Variants in MBD5 observed in about 807,000 individuals in gnomAD.
MBD5 encodes the protein methyl-CpG-binding domain protein 5.
A neutral mutation model predicts 117.3 loss-of-function variants in MBD5; 13 were observed. That is an observed-to-expected ratio of 0.11 (90% CI 0.07 to 0.18). The LOEUF (loss-of-function observed/expected upper bound fraction) is 0.18, where lower values mean the gene tolerates loss of function less well. Ranked by LOEUF, MBD5 falls within the 10% of genes least tolerant of loss-of-function variation. The pLI, the probability that MBD5 is intolerant of heterozygous loss-of-function variation, is 1.00. For missense variants in MBD5, 1,879 were observed against 2,093.8 expected (o/e 0.90, Z 2.00); for synonymous variants, 727 against 766.4 (o/e 0.95, Z 0.85).
intron 1 of MBD5, among the ~76,000 whole-genome samples, chr2:148,061,497 T>C (rs1358395530): frequency 6.6e-6 from 1 of 152,062 alleles, no homozygotes; most frequent in African/African-American, 2.4e-5. Context: ...AAATCTACCA[T>C]ATCATAAATA....
intron 4 of MBD5, among the ~76,000 whole-genome samples, chr2:148,446,602 C>CTCTGTGTGTG (rs1553516216): frequency 4.7e-5 from 7 of 148,784 alleles, no homozygotes; most frequent in Non-Finnish European, 8.9e-5. Flanking sequence ...GATTATTTAT[C>CTCTGTGTGTG]TGTGTGTGTG....
chr2:148,489,258 T>C, intron 10 of MBD5, 128 bp from the exon 11 acceptor site: 1 of 1,152,298 alleles, frequency 8.7e-7, no homozygotes, highest in Non-Finnish European at 1.2e-6. Context: ...TTTTGAGTCT[T>C]GTTCTTTATA....
At chr2:148,367,295 C>T (rs1329201580) in intron 4 of MBD5, among the ~76,000 whole-genome samples, 1 of 152,088 alleles carries the variant, frequency 6.6e-6, no homozygotes, top group African/African-American at 2.4e-5. Context: ...AGAAACTGGA[C>T]CCCTTCCTTA....
At chr2:148,160,301 G>A (rs1169731843) in intron 1 of MBD5, among the ~76,000 whole-genome samples, 1 of 152,146 alleles carries the variant, frequency 6.6e-6, no homozygotes, top group Non-Finnish European at 1.5e-5. Flanking sequence ...GGGAGGCTTA[G>A]GCAGGAGAAT....
At chr2:148,185,083 A>C (rs1698621522) in intron 2 of MBD5, among the ~76,000 whole-genome samples, 1 of 152,202 alleles carries the variant, frequency 6.6e-6, no homozygotes, top group Non-Finnish European at 1.5e-5. Context: ...CTGTAGTCTG[A>C]GTCCCTGTAG....
At chr2:148,076,173 G>A (rs929118000) in intron 1 of MBD5, among the ~76,000 whole-genome samples, 25 of 105,386 alleles carry the variant, frequency 2.4e-4, no homozygotes, top group Non-Finnish European at 4.2e-4. Flanking sequence ...ACTCAAAGTC[G>A]TCGTTTTTTG....
chr2:148,360,099 A>G (rs867189900), intron 4 of MBD5, among the ~76,000 whole-genome samples: 3 of 152,042 alleles, frequency 2.0e-5, no homozygotes, highest in Non-Finnish European at 4.4e-5. Context: ...GTAACTGTAT[A>G]TTATTATGGC....
chr2:148,512,829 CCT>C, intron 13 of MBD5, 39 bp from the exon 14 acceptor site: 1 of 1,554,180 alleles, frequency 6.4e-7, no homozygotes, highest in Non-Finnish European at 8.9e-7. Context: ...GTGATTTCAT[CCT>C]CTGTTGTTGT....
chr2:148,027,741 A>AT (rs1693939020), intron 1 of MBD5: 1 of 152,126 alleles, frequency 6.6e-6, no homozygotes, highest in Admixed American at 6.6e-5. Context: ...TATTGACTCT[A>AT]TCGTCCTGCA....
At chr2:148,442,342 G>A (rs1056605652) in intron 4 of MBD5, among the ~76,000 whole-genome samples, 7 of 151,120 alleles carry the variant, frequency 4.6e-5, no homozygotes, top group African/African-American at 1.7e-4. Flanking sequence ...TGCTATGGGG[G>A]AAAAAGTGAC....
At chr2:148,227,301 G>A (rs979799461) in intron 2 of MBD5, among the ~76,000 whole-genome samples, 3 of 152,284 alleles carry the variant, frequency 2.0e-5, no homozygotes, top group East Asian at 1.9e-4. Flanking sequence ...TAAGGTGTAA[G>A]GAAGGGATCC....
At chr2:148,065,960 G>A (rs1695178133) in intron 1 of MBD5, among the ~76,000 whole-genome samples, 1 of 152,180 alleles carries the variant, frequency 6.6e-6, no homozygotes, top group African/African-American at 2.4e-5. Context: ...GGGTTGAGGA[G>A]GAGACAAGGG....
chr2:148,361,303 T>C (rs1024135631), intron 4 of MBD5, among the ~76,000 whole-genome samples: 1 of 152,106 alleles, frequency 6.6e-6, no homozygotes, highest in Non-Finnish European at 1.5e-5. Context: ...TGAGCCAAGA[T>C]TGCACAACTG....
chr2:148,258,915 C>A (rs1439566480), intron 3 of MBD5, among the ~76,000 whole-genome samples: 1 of 152,166 alleles, frequency 6.6e-6, no homozygotes, highest in Non-Finnish European at 1.5e-5. Flanking sequence ...GCCGCCATAG[C>A]AGTGGTCACT....
At chr2:148,250,868 A>C (rs2106243213) in intron 3 of MBD5, among the ~76,000 whole-genome samples, 1 of 152,290 alleles carries the variant, frequency 6.6e-6, no homozygotes, top group Admixed American at 6.5e-5. Context: ...TTCTAACTCA[A>C]GTTTAGTGTT....
At chr2:148,038,172 T>A (rs1301613335) in intron 1 of MBD5, among the ~76,000 whole-genome samples, 1 of 152,034 alleles carries the variant, frequency 6.6e-6, no homozygotes, top group Non-Finnish European at 1.5e-5. Flanking sequence ...GAGAAGAAAG[T>A]CAGGCAGGAT....
intron 4 of MBD5, among the ~76,000 whole-genome samples, chr2:148,363,272 A>G (rs10198939): frequency 0.51 from 78,128 of 151,890 alleles, 20,314 homozygotes; most frequent in East Asian, 0.75. Flanking sequence ...TCACTCTGTC[A>G]CCCAGGCTGG....
At chr2:148,080,143 G>A (rs754278431) in intron 1 of MBD5, among the ~76,000 whole-genome samples, 4 of 152,146 alleles carry the variant, frequency 2.6e-5, no homozygotes, top group Non-Finnish European at 5.9e-5. Flanking sequence ...AGGTGATGTT[G>A]GAAGGCATGG....
intron 1 of MBD5, among the ~76,000 whole-genome samples, chr2:148,121,280 TC>T (rs1255819650): frequency 6.6e-6 from 1 of 152,176 alleles, no homozygotes; most frequent in Admixed American, 6.5e-5. Flanking sequence ...TATACCTTGG[TC>T]GTTATTAAGA....
Sources: gnomAD v4.1 joint callset for allele counts (sites outside exome capture counted in the v4.1 genomes callset) on GRCh38, gnomAD v4.1.1 for gene constraint, MANE v1.5 for transcripts, NCBI Gene and HGNC (gene_info 2026-07-23, HGNC 2026-07-21) for gene names.